EPCIP: variants seen among roughly 807,000 people sequenced by gnomAD.
The protein encoded by EPCIP is exosomal polycystin 1 interacting protein, also known as exosomal polycystin-1-interacting protein.
the EPCIP span, chr21:32,798,761 C>A: frequency 6.6e-6 from 1 of 152,044 alleles, no homozygotes; most frequent in Non-Finnish European, 1.5e-5. Flanking sequence ...CTCAGGAGTT[C>A]GAGATCATTC....
At chr21:32,794,850 C>T in the EPCIP span, among the ~76,000 whole-genome samples, 1 of 152,328 alleles carries the variant, frequency 6.6e-6, no homozygotes, top group East Asian at 1.9e-4. Context: ...AGAGCACATT[C>T]TCCAAACATC....
At chr21:32,813,484 G>A in the EPCIP span, 2 of 425,154 alleles carry the variant, frequency 4.7e-6, no homozygotes, top group Admixed American at 5.4e-5. Flanking sequence ...CCTGACAATG[G>A]TTCTTCCAAC....
the EPCIP span, chr21:32,798,793 G>A: frequency 4.6e-5 from 7 of 152,160 alleles, no homozygotes; most frequent in African/African-American, 1.7e-4. Flanking sequence ...GCGAAACCCT[G>A]TCTCTACCAA....
chr21:32,808,982 A>T, the EPCIP span, among the ~76,000 whole-genome samples: 5 of 152,148 alleles, frequency 3.3e-5, no homozygotes, highest in African/African-American at 1.2e-4. Flanking sequence ...AGTGCCCATG[A>T]AATAGTGTCT....
the EPCIP span, among the ~76,000 whole-genome samples, chr21:32,800,062 T>C: frequency 2.0e-5 from 3 of 152,276 alleles, no homozygotes; most frequent in Middle Eastern, 3.2e-3. Flanking sequence ...ACTTGATTTT[T>C]CCACAATTAG....
chr21:32,809,182 C>CGTGTGTGTGTGTGTGTGTGTGTGTGT, the EPCIP span, among the ~76,000 whole-genome samples: 2 of 121,096 alleles, frequency 1.7e-5, no homozygotes, highest in Non-Finnish European at 3.4e-5. Context: ...TCGAGGGGTG[C>CGTGTGTGTGTGTGTGTGTGTGTGTGT]GTGTGTGTGT....
At chr21:32,807,345 TTTTTGA>T in the EPCIP span, among the ~76,000 whole-genome samples, 1,350 of 151,476 alleles carry the variant, frequency 8.9e-3, 29 homozygotes, top group African/African-American at 0.03. Flanking sequence ...TTTTTTTTTT[TTTTTGA>T]GACAGAGTTT....
chr21:32,806,723 T>C, the EPCIP span, among the ~76,000 whole-genome samples: 4 of 152,192 alleles, frequency 2.6e-5, no homozygotes, highest in Admixed American at 2.6e-4. Flanking sequence ...AGATATTTTA[T>C]TTGGAAAGCA....
At chr21:32,792,023 G>C in the EPCIP span, among the ~76,000 whole-genome samples, 1 of 151,844 alleles carries the variant, frequency 6.6e-6, no homozygotes, top group South Asian at 2.1e-4. Context: ...TCCTGCCTCA[G>C]CCTCCTGAGT....
chr21:32,813,475 C>G, the EPCIP span: 1 of 412,768 alleles, frequency 2.4e-6, no homozygotes, highest in South Asian at 1.8e-5. Flanking sequence ...GAAGGTGACC[C>G]TGACAATGGT....
chr21:32,797,043 G>A, the EPCIP span: 1 of 470,568 alleles, frequency 2.1e-6, no homozygotes. Flanking sequence ...AGAAGAATTT[G>A]TGAGCAACTT....
At chr21:32,809,372 TTCTC>T in the EPCIP span, among the ~76,000 whole-genome samples, 1 of 149,030 alleles carries the variant, frequency 6.7e-6, no homozygotes, top group South Asian at 2.2e-4. Context: ...CTCTCTTCCT[TTCTC>T]TCTCTCTTTC....
chr21:32,806,355 A>G, the EPCIP span, among the ~76,000 whole-genome samples: 1 of 152,200 alleles, frequency 6.6e-6, no homozygotes, highest in Non-Finnish European at 1.5e-5. Flanking sequence ...AGGGAGCCCC[A>G]TGGCCAAGGT....
chr21:32,791,987 C>T, the EPCIP span, among the ~76,000 whole-genome samples: 1 of 151,890 alleles, frequency 6.6e-6, no homozygotes, highest in Non-Finnish European at 1.5e-5. Context: ...TCACTGCAAC[C>T]TCCGCCTCCC....
chr21:32,795,556 G>A, the EPCIP span, among the ~76,000 whole-genome samples: 1 of 152,192 alleles, frequency 6.6e-6, no homozygotes, highest in Non-Finnish European at 1.5e-5. Flanking sequence ...GGGTGTGGTG[G>A]GATACTTGGC....
the EPCIP span, chr21:32,793,834 A>G: frequency 6.2e-7 from 1 of 1,614,196 alleles, no homozygotes; most frequent in African/African-American, 1.3e-5. Flanking sequence ...AAAAGTCAGG[A>G]AAGTTGTTGG....
the EPCIP span, among the ~76,000 whole-genome samples, chr21:32,795,940 C>A: frequency 6.6e-6 from 1 of 151,572 alleles, no homozygotes; most frequent in Non-Finnish European, 1.5e-5. Flanking sequence ...TCCCTTCCTT[C>A]CTTCCTTCAT....
At chr21:32,796,038 T>TTCCC in the EPCIP span, among the ~76,000 whole-genome samples, 7 of 144,580 alleles carry the variant, frequency 4.8e-5, no homozygotes, top group Admixed American at 4.8e-4. Flanking sequence ...CCTTCCCTCC[T>TTCCC]TCCTTCCTTC....
At chr21:32,808,453 T>G in the EPCIP span, among the ~76,000 whole-genome samples, 1 of 152,268 alleles carries the variant, frequency 6.6e-6, no homozygotes, top group South Asian at 2.1e-4. Flanking sequence ...TTGGGCTTTT[T>G]TCCTTTCAAC....
Sources: gnomAD v4.1 joint callset for allele counts (sites outside exome capture counted in the v4.1 genomes callset) on GRCh38, gnomAD v4.1.1 for gene constraint, MANE v1.5 for transcripts, NCBI Gene and HGNC (gene_info 2026-07-23, HGNC 2026-07-21) for gene names.